The following CMSS1 variants were observed in gnomAD, a reference collection of about 807,000 sequenced individuals.
CMSS1 encodes protein CMSS1.
Under a neutral mutation model 43.5 loss-of-function variants are expected in CMSS1, and 33 were observed. The observed-to-expected ratio is 0.76, with a 90% CI of 0.57 to 1.01. The LOEUF (loss-of-function observed/expected upper bound fraction) is 1.01. Ranked by LOEUF, CMSS1 falls within the 50% of genes least tolerant of loss-of-function variation. CMSS1 has a pLI of 0.00. For missense variants in CMSS1, 313 were observed against 326.4 expected (o/e 0.96, Z 0.32); for synonymous variants, 115 against 117.2 (o/e 0.98, Z 0.12).
intron 2 of CMSS1, among the ~76,000 whole-genome samples, chr3:100,156,177 T>C (rs2066970756): frequency 6.6e-6 from 1 of 151,966 alleles, no homozygotes. Flanking sequence ...CATGCTGGAG[T>C]GCAGTGGTAC....
chr3:100,156,964 A>G (rs540331818), intron 2 of CMSS1, among the ~76,000 whole-genome samples: 373 of 152,252 alleles, frequency 2.4e-3, no homozygotes, highest in Non-Finnish European at 3.3e-3. Flanking sequence ...CTATGTAACC[A>G]GGGCTGGTCT....
intron 1 of CMSS1, among the ~76,000 whole-genome samples, chr3:99,914,932 T>C (rs543006542): frequency 4.6e-5 from 7 of 152,348 alleles, no homozygotes; most frequent in Admixed American, 3.3e-4. Context: ...TCATGATGTT[T>C]TTGTTAGTGA....
rs2067030133 is a variant in CMSS1, at chr3:100,162,249, C to G, written c.226-54C>G. The G allele has an allele frequency of 4.5e-6, 7 of 1,555,676 alleles. No homozygotes were observed. In the East Asian group the frequency reaches 1.1e-4, roughly 25 times the overall value. ...TGCCAGAGGAACTAACCTATTCCAA[C>G]CAAATGCCATTTTAAAATATGTCGT... On this transcript the variant is annotated intron_variant, in intron 3 of 9. Coordinates refer to ENST00000421999, the MANE Select transcript of CMSS1 (RefSeq NM_032359.4).
chr3:100,166,507 C>G (rs2067067270), intron 5 of CMSS1, 113 bp downstream of exon 5: 3 of 673,200 alleles, frequency 4.5e-6, no homozygotes, highest in Non-Finnish European at 7.8e-6. Flanking sequence ...CATTATTGCT[C>G]TAGGAATCCA....
intron 1 of CMSS1, among the ~76,000 whole-genome samples, chr3:99,895,162 TTATA>T (rs55652715): frequency 1.3e-5 from 2 of 151,738 alleles, no homozygotes; most frequent in East Asian, 3.9e-4. Flanking sequence ...CAGAGAATGC[TTATA>T]TATATATAGT....
chr3:100,176,228 A>G, intron 8 of CMSS1, 99 bp from the exon 9 acceptor site: 1 of 781,080 alleles, frequency 1.3e-6, no homozygotes, highest in South Asian at 1.7e-5. Context: ...GGAGAGGACA[A>G]CATATGAGAC....
chr3:100,099,673 T>C (rs2066271780), intron 1 of CMSS1, among the ~76,000 whole-genome samples: 2 of 152,178 alleles, frequency 1.3e-5, no homozygotes, highest in African/African-American at 4.8e-5. Context: ...ATATACCATG[T>C]TATTCATTCC....
chr3:99,967,127 G>A (rs550364467), intron 1 of CMSS1, among the ~76,000 whole-genome samples: 13 of 152,210 alleles, frequency 8.5e-5, no homozygotes, highest in Non-Finnish European at 1.6e-4. Flanking sequence ...AGAACTTTCT[G>A]AAAAGCTTGG....
intron 1 of CMSS1, among the ~76,000 whole-genome samples, chr3:99,834,715 T>C (rs1017712893): frequency 6.6e-6 from 1 of 152,150 alleles, no homozygotes; most frequent in Non-Finnish European, 1.5e-5. Flanking sequence ...TGCACCCACT[T>C]AATTGTTTTA....
chr3:100,143,649 T>G (rs2066822579), intron 1 of CMSS1, among the ~76,000 whole-genome samples: 1 of 152,174 alleles, frequency 6.6e-6, no homozygotes, highest in Non-Finnish European at 1.5e-5. Context: ...ACTGTTAAAG[T>G]TTACAAGTCA....
At chr3:99,869,511 A>G (rs939739618) in intron 1 of CMSS1, among the ~76,000 whole-genome samples, 19 of 152,174 alleles carry the variant, frequency 1.2e-4, no homozygotes, top group Admixed American at 1.3e-4. Flanking sequence ...CCACAGAGTA[A>G]TTCACTTCTT....
intron 1 of CMSS1, among the ~76,000 whole-genome samples, chr3:99,907,597 C>G (rs1373797712): frequency 6.6e-6 from 1 of 152,094 alleles, no homozygotes; most frequent in African/African-American, 2.4e-5. Flanking sequence ...AACATTGCAC[C>G]CATAGCTTCC....
chr3:99,872,809 A>G (rs974986468), intron 1 of CMSS1, among the ~76,000 whole-genome samples: 4 of 152,152 alleles, frequency 2.6e-5, no homozygotes, highest in Non-Finnish European at 4.4e-5. Flanking sequence ...CTCATATCTG[A>G]AAAAGAAACC....
chr3:100,103,629 A>T (rs887904690), intron 1 of CMSS1, among the ~76,000 whole-genome samples: 1 of 152,150 alleles, frequency 6.6e-6, no homozygotes, highest in African/African-American at 2.4e-5. Flanking sequence ...CAAAGTTGAG[A>T]TGGAGGAGAG....
intron 1 of CMSS1, among the ~76,000 whole-genome samples, chr3:100,135,437 CATGTGTGTGTGTGT>C (rs1217447095): frequency 2.5e-4 from 15 of 60,188 alleles, no homozygotes; most frequent in African/African-American, 8.7e-4. Flanking sequence ...TGTGTGTGTG[CATGTGTGTGTGTGT>C]GTGTGTGTGT....
intron 1 of CMSS1, among the ~76,000 whole-genome samples, chr3:100,127,353 A>G (rs1298228049): frequency 6.6e-6 from 1 of 152,150 alleles, no homozygotes; most frequent in African/African-American, 2.4e-5. Flanking sequence ...AGAGCTTTCC[A>G]TGGGTCCAGC....
chr3:100,024,153 T>G (rs2064877092), intron 1 of CMSS1, among the ~76,000 whole-genome samples: 1 of 152,188 alleles, frequency 6.6e-6, no homozygotes, highest in Non-Finnish European at 1.5e-5. Context: ...CATGGTCGCC[T>G]ATTTCATCTG....
rs141639514 is a variant in CMSS1 at position 100,002,754 on chromosome 3, G to A, written c.65-144219G>A. ...GGAGTGACTTGTCCAAAATGATGAAGCCTAGTCCCTTAGGCCTTAGACCAG... is the reference window on the plus strand; with the variant it reads ...GGAGTGACTTGTCCAAAATGATGAAACCTAGTCCCTTAGGCCTTAGACCAG... On this transcript the variant is annotated intron_variant, in intron 1 of 9. Coordinates refer to ENST00000421999, the MANE Select transcript of CMSS1 (RefSeq NM_032359.4). Among the ~76,000 whole-genome samples, 285 of 152,274 alleles carry A rather than the reference G, an allele frequency of 1.9e-3. 2 individuals carry two copies. Among genetic ancestry groups the A allele is most frequent in the Admixed American group, 3.7e-3 (56 of 15,288 alleles).
intron 1 of CMSS1, among the ~76,000 whole-genome samples, chr3:100,111,072 A>G (rs1044090274): frequency 6.6e-6 from 1 of 152,154 alleles, no homozygotes; most frequent in Non-Finnish European, 1.5e-5. Context: ...AGTTCGCCAT[A>G]TTCTACTTCA....
Sources: gnomAD v4.1 joint callset for allele counts (sites outside exome capture counted in the v4.1 genomes callset) on GRCh38, gnomAD v4.1.1 for gene constraint, MANE v1.5 for transcripts, NCBI Gene and HGNC (gene_info 2026-07-23, HGNC 2026-07-21) for gene names.